The following FBLN7 variants were observed in gnomAD, a reference collection of about 807,000 sequenced individuals.
FBLN7 encodes fibulin-7.
Under a neutral mutation model 44.0 loss-of-function variants are expected in FBLN7, and 31 were observed. That is an observed-to-expected ratio of 0.70 (90% CI 0.53 to 0.95). FBLN7 has a LOEUF of 0.95. Among genes scored for constraint, FBLN7 ranks in the 40% least tolerant of loss-of-function variants. The pLI, the probability that FBLN7 is intolerant of heterozygous loss-of-function variation, is 0.00. For missense variants in FBLN7, 573 were observed against 618.5 expected (o/e 0.93, Z 0.78); for synonymous variants, 262 against 253.4 (o/e 1.03, Z -0.32).
intron 1 of FBLN7, among the ~76,000 whole-genome samples, chr2:112,143,094 C>T (rs971843943): frequency 3.9e-5 from 6 of 152,162 alleles, no homozygotes; most frequent in Non-Finnish European, 7.3e-5. Context: ...CACTGTGTCC[C>T]TCTTGTCAGC....
intron 6 of FBLN7, among the ~76,000 whole-genome samples, chr2:112,184,700 A>ATATGTATATGGTATATATATGGTATATG (rs1683164666): frequency 6.9e-6 from 1 of 145,540 alleles, no homozygotes; most frequent in Non-Finnish European, 1.5e-5. Context: ...TATGGTATAT[A>ATATGTATATGGTATATATATGGTATATG]TATGAATATG....
At chr2:112,150,378 A>G (rs556945154) in intron 1 of FBLN7, among the ~76,000 whole-genome samples, 35 of 151,354 alleles carry the variant, frequency 2.3e-4, no homozygotes, top group East Asian at 1.9e-3. Flanking sequence ...CTGCTGTACC[A>G]GAAGAAAAAA....
chr2:112,188,679 G>A (rs1412521483), downstream of FBLN7: 3 of 152,146 alleles, frequency 2.0e-5, no homozygotes, highest in African/African-American at 7.2e-5. Flanking sequence ...TTAAATCTTT[G>A]TATTTGCCCT....
At chr2:112,173,562 A>T (rs1321748792) in intron 3 of FBLN7, among the ~76,000 whole-genome samples, 1 of 152,170 alleles carries the variant, frequency 6.6e-6, no homozygotes, top group Non-Finnish European at 1.5e-5. Flanking sequence ...AAAAGTCAGG[A>T]AGGAATTAGA....
At chr2:112,188,791 G>T (rs1374664982), downstream of FBLN7, 1 of 152,182 alleles carries the variant, frequency 6.6e-6, no homozygotes, top group Non-Finnish European at 1.5e-5. Flanking sequence ...TTTGGACAAA[G>T]GTTGAGACAC....
chr2:112,226,432 C>CA, the FBLN7 span, among the ~76,000 whole-genome samples: 1 of 151,196 alleles, frequency 6.6e-6, no homozygotes. Context: ...ACTAAAAATA[C>CA]AAAAAAATTA....
chr2:112,196,636 G>C, the FBLN7 span, among the ~76,000 whole-genome samples: 4 of 152,086 alleles, frequency 2.6e-5, no homozygotes, highest in Non-Finnish European at 5.9e-5. Context: ...ATCCTTTCCA[G>C]CATCATGGAA....
the FBLN7 span, among the ~76,000 whole-genome samples, chr2:112,207,478 A>G: frequency 6.6e-6 from 1 of 152,024 alleles, no homozygotes; most frequent in South Asian, 2.1e-4. Flanking sequence ...AAAAAAAAAA[A>G]AAAAGAATGT....
the FBLN7 span, among the ~76,000 whole-genome samples, chr2:112,202,930 G>A: frequency 1.3e-5 from 2 of 152,162 alleles, no homozygotes; most frequent in African/African-American, 4.8e-5. Context: ...AGCTCACTCT[G>A]TGTGAACAGC....
At chr2:112,146,464 A>G (rs982880175) in intron 1 of FBLN7, among the ~76,000 whole-genome samples, 5 of 151,858 alleles carry the variant, frequency 3.3e-5, no homozygotes, top group Non-Finnish European at 7.4e-5. Flanking sequence ...CTTTCTACTT[A>G]TTTAGATATT....
intron 1 of FBLN7, among the ~76,000 whole-genome samples, chr2:112,143,444 A>C (rs1230846035): frequency 6.6e-6 from 1 of 152,202 alleles, no homozygotes; most frequent in Non-Finnish European, 1.5e-5. Context: ...ATCAGATGTC[A>C]CAGGTCTCCA....
At chr2:112,241,809 T>C in the FBLN7 span, among the ~76,000 whole-genome samples, 1 of 152,252 alleles carries the variant, frequency 6.6e-6, no homozygotes, top group African/African-American at 2.4e-5. Context: ...AACATATTAC[T>C]CTATAGCATT....
chr2:112,182,749 C>T (rs1213086534), intron 5 of FBLN7, 42 bp from the exon 6 acceptor site: 8 of 1,550,224 alleles, frequency 5.2e-6, no homozygotes, highest in Non-Finnish European at 7.0e-6. Flanking sequence ...GCAACACTTG[C>T]TGCATGGCTC....
chr2:112,188,872 A>C (rs1350686457), downstream of FBLN7: 2 of 152,248 alleles, frequency 1.3e-5, no homozygotes, highest in African/African-American at 4.8e-5. Flanking sequence ...CAGAAAAAGG[A>C]CATGCAAACT....
the FBLN7 span, among the ~76,000 whole-genome samples, chr2:112,206,356 C>G: frequency 6.6e-6 from 1 of 152,140 alleles, no homozygotes; most frequent in Non-Finnish European, 1.5e-5. Context: ...TTTTGACCTA[C>G]AAAGCTTTGG....
intron 1 of FBLN7, among the ~76,000 whole-genome samples, chr2:112,156,861 A>G (rs1681456914): frequency 6.6e-6 from 1 of 152,252 alleles, no homozygotes; most frequent in Non-Finnish European, 1.5e-5. Flanking sequence ...TCCACGGTGC[A>G]GAGGCCTGGC....
At chr2:112,202,261 G>T in the FBLN7 span, among the ~76,000 whole-genome samples, 1 of 152,110 alleles carries the variant, frequency 6.6e-6, no homozygotes, top group Non-Finnish European at 1.5e-5. Context: ...GTGCAATTGC[G>T]TTCCCCAGGA....
chr2:112,175,924 G>T, intron 4 of FBLN7, 85 bp downstream of exon 4: 1 of 1,508,890 alleles, frequency 6.6e-7, no homozygotes, highest in Admixed American at 2.0e-5. Context: ...ATGCAGACAT[G>T]TAGGGAGCTC....
chr2:112,238,462 C>T, the FBLN7 span: 8 of 1,613,186 alleles, frequency 5.0e-6, no homozygotes, highest in South Asian at 2.2e-5. Context: ...TCACTATATA[C>T]ATCATAGTCC....
Sources: allele counts gnomAD v4.1 joint callset (sites outside exome capture counted in the v4.1 genomes callset), GRCh38; gene constraint gnomAD v4.1.1; transcripts MANE v1.5; gene names NCBI Gene and HGNC (gene_info 2026-07-23, HGNC 2026-07-21).